PIK3C3: variants seen among roughly 807,000 people sequenced by gnomAD.
PIK3C3 encodes the protein PI3-kinase type 3.
In PIK3C3, 95 loss-of-function variants were observed where a neutral mutation model predicts 126.1. The observed-to-expected ratio is 0.75, with a 90% CI of 0.64 to 0.89. The LOEUF (loss-of-function observed/expected upper bound fraction) is 0.89, where lower values mean the gene tolerates loss of function less well. PIK3C3 is among the 40% of genes least tolerant of loss of function. The pLI is 0.00. For missense variants in PIK3C3, 829 were observed against 1,063.2 expected, an observed-to-expected ratio of 0.78 and a Z score of 3.06; for synonymous variants, 374 against 360.0, an observed-to-expected ratio of 1.04 and a Z score of -0.44.
In PIK3C3 at chr18:41,965,455, G is replaced by GT. The variant is rs531982975; in HGVS notation, c.401+2830dup. Among the ~76,000 whole-genome samples the GT allele has an allele frequency of 7.2e-4, 110 of 152,164 alleles. 1 individual carries two copies. In the South Asian group the frequency reaches 0.022, roughly 30 times the overall value. On this transcript the variant is annotated intron_variant, in intron 3 of 24. Transcript: ENST00000262039. ...TACTGTTTAGTTTGGCTTCTGGCAC[G>GT]TTTTTTTAAAAAGTACTACATCAAA...
rs746111447 is a variant in PIK3C3 at position 41,995,999 on chromosome 18, G to C, written c.891+5G>C. On this transcript the variant is annotated splice_donor_5th_base_variant and intron_variant, in intron 8 of 24. Coordinates refer to ENST00000262039, the MANE Select transcript of PIK3C3 (RefSeq NM_002647.4). ...GCCACGAGAGATCAGTTAAATGTAA[G>C]AGAATTATGAAATATTAATTTAAAA... is the stretch of plus-strand genomic sequence containing the variant. 3 of 1,566,672 alleles carry C rather than the reference G, an allele frequency of 1.9e-6. No individual in the cohort carries two copies. The highest frequency in any genetic ancestry group is 2.6e-6 in the Non-Finnish European group (3 of 1,137,840).
chr18:42,038,355 T>C (rs566218358), intron 17 of PIK3C3, among the ~76,000 whole-genome samples: 6 of 152,228 alleles, frequency 3.9e-5, no homozygotes, highest in African/African-American at 1.4e-4. Context: ...AACTATTTTT[T>C]TTTTTGAGAT....
intron 20 of PIK3C3, among the ~76,000 whole-genome samples, chr18:42,046,842 C>T (rs1299671384): frequency 6.6e-6 from 1 of 152,054 alleles, no homozygotes; most frequent in Non-Finnish European, 1.5e-5. Flanking sequence ...TTCATCTTTA[C>T]TATTAAATAT....
rs369269044 is a variant in PIK3C3 at position 41,972,659 on chromosome 18, C to A, written c.531+2203C>A. Among the ~76,000 whole-genome samples, 45 of 152,112 alleles carry A rather than the reference C, an allele frequency of 3.0e-4. No individual in the cohort carries two copies. The East Asian group carries it at 6.6e-3, about 22-fold the overall frequency. ...GCTTGCATTAGTATTAACTTATGTT[C>A]CCCAAAGACTAAACAGAAACCATCA... On this transcript the variant is annotated intron_variant, in intron 4 of 24. Transcript: ENST00000262039.
rs911313353 is a variant in PIK3C3, at chr18:42,086,553, C to G, written c.*5416C>G. The G allele has an allele frequency of 1.3e-5, 2 of 152,188 alleles. No individual in the cohort carries two copies. The highest frequency in any genetic ancestry group is 2.9e-5 in the Non-Finnish European group (2 of 68,058). The allele number at this position is 152,188 out of a possible 1,614,324, so 9.4% of individuals were successfully genotyped here. Reference sequence around the variant, plus strand: ...AAACAGTCTGTGGTAAAGAAGCCAGCCAAAACCCACCAAAACCAAGACGGG... The same window carrying G: ...AAACAGTCTGTGGTAAAGAAGCCAGGCAAAACCCACCAAAACCAAGACGGG... On this transcript the variant is annotated 3_prime_UTR_variant, in exon 25 of 25. Transcript: ENST00000262039.
At position 41,977,682 on chromosome 18, in the gene PIK3C3, A is replaced by G. The variant is rs201797420; in HGVS notation, c.531+7226A>G. ...TTTGTAATTGTAGAGACAGGGTTTC[A>G]CCATGTTGGCCAGGCAGGTCTCGAA... On this transcript the variant is annotated intron_variant, in intron 4 of 24. Transcript: ENST00000262039. 6.6e-4 allele frequency among the ~76,000 whole-genome samples: 100 copies of G among 152,132 alleles called. 5 individuals are homozygous for G. In the East Asian group the frequency reaches 0.017, roughly 25 times the overall value.
chr18:42,067,106 C>A (rs939862415), intron 23 of PIK3C3, among the ~76,000 whole-genome samples: 1 of 152,054 alleles, frequency 6.6e-6, no homozygotes, highest in African/African-American at 2.4e-5. Flanking sequence ...AGCAGTTTTT[C>A]TGTTTTTGAG....
chr18:42,008,870 G>A (rs1482761274), intron 10 of PIK3C3, among the ~76,000 whole-genome samples: 2 of 152,134 alleles, frequency 1.3e-5, no homozygotes, highest in Non-Finnish European at 2.9e-5. Context: ...CAAGAAATCA[G>A]ATGATGATAA....
rs772358819 is a variant in PIK3C3, at chr18:41,955,256, G to A, written c.-36G>A. On this transcript the variant is annotated 5_prime_UTR_variant, in exon 1 of 25. Coordinates refer to ENST00000262039, the MANE Select transcript of PIK3C3 (RefSeq NM_002647.4). ...TTTATGTTGTTTTTCCTGTACCTAA[G>A]TTCCCGCTGTAGGTGGTACCTTTGC... 6 of 1,582,490 alleles carry A rather than the reference G, an allele frequency of 3.8e-6. No individual in the cohort carries two copies. The highest frequency in any genetic ancestry group is 5.2e-6 in the Non-Finnish European group (6 of 1,154,262).
At position 41,960,737 on chromosome 18, in the gene PIK3C3, T is replaced by C. The variant is rs144304989; in HGVS notation, c.258-1752T>C. Reference sequence around the variant, plus strand: ...TTCAAACTTTTTGACTGAAGGATCATTTTTTCTTTTTTCTTTTTTTTTTTG... The same window carrying C: ...TTCAAACTTTTTGACTGAAGGATCACTTTTTCTTTTTTCTTTTTTTTTTTG... On this transcript the variant is annotated intron_variant, in intron 2 of 24. Transcript: ENST00000262039. Among the ~76,000 whole-genome samples the C allele has an allele frequency of 2.1e-4, 31 of 151,150 alleles. No homozygotes were observed. The East Asian group carries it at 5.8e-3, about 28-fold the overall frequency.
chr18:42,004,131 G>A (rs559624069), intron 9 of PIK3C3, among the ~76,000 whole-genome samples: 5 of 152,238 alleles, frequency 3.3e-5, no homozygotes, highest in South Asian at 2.1e-4. Flanking sequence ...CATAGTGCTC[G>A]CAAATGATTT....
rs777513295 is a variant in PIK3C3 at position 41,990,484 on chromosome 18, T to C, written c.644T>C (p.Met215Thr). Reference sequence around the variant, plus strand: ...AGTGAAAAACGAAGTTCTAATTTCATGTACCTGATGGTTGAATTTCGATGT... The same window carrying C: ...AGTGAAAAACGAAGTTCTAATTTCACGTACCTGATGGTTGAATTTCGATGT... ...NESEKRSSNF[M>T]YLMVEFRCVK... Residue 215 changes from methionine (M) to threonine (T), a missense_variant, in exon 6 of 25, where the codon ATG becomes ACG. Physicochemically the swap from Met to Thr is moderately conservative, Grantham distance 81. Coordinates refer to ENST00000262039, the MANE Select transcript of PIK3C3 (RefSeq NM_002647.4). 6.3e-7 allele frequency: 1 copy of C among 1,597,386 alleles called. No homozygotes were observed. Among genetic ancestry groups the C allele is most frequent in the South Asian group, 1.1e-5 (1 of 90,634 alleles).
At chr18:42,077,977 C>A (rs1382278192) in intron 24 of PIK3C3, among the ~76,000 whole-genome samples, 2 of 152,150 alleles carry the variant, frequency 1.3e-5, no homozygotes, top group Non-Finnish European at 2.9e-5. Context: ...CAACATTAAT[C>A]TTTTGGTATA....
chr18:42,081,230 G>T lies in PIK3C3; in HGVS notation c.*93G>T. On this transcript the variant is annotated 3_prime_UTR_variant, in exon 25 of 25. Transcript: ENST00000262039. ...TTGGAGACTTCAGAGTAACCAGCAA[G>T]GAAGAGAAATCTTAATCTTCAAGTT... is the stretch of plus-strand genomic sequence containing the variant. The T allele has an allele frequency of 1.3e-6, 1 of 751,944 alleles. No homozygotes were observed. Among genetic ancestry groups the T allele is most frequent in the South Asian group, 2.0e-5 (1 of 49,878 alleles). 46.6% of individuals were successfully genotyped at this position (751,944 alleles called of 1,614,324 possible).
chr18:41,993,297 A>T lies in PIK3C3; in HGVS notation c.742A>T (p.Thr248Ser). The T allele has an allele frequency of 6.2e-7, 1 of 1,610,228 alleles. No homozygotes were observed. The highest frequency in any genetic ancestry group is 8.5e-7 in the Non-Finnish European group (1 of 1,177,354). Residue 248 changes from threonine to serine, a missense_variant, in exon 7 of 25, where the codon ACA becomes TCA. Physicochemically the swap from Thr to Ser is moderately conservative, Grantham distance 58. Coordinates refer to ENST00000262039, the MANE Select transcript of PIK3C3 (RefSeq NM_002647.4). The part of the protein sequence containing the change: ...KDGDESSPIL[T>S]SFELVKVPDP... ...CGGTGATGAATCATCTCCAATTTTA[A>T]CAAGTTTTGAATTAGTGAAAGTTCC...
At chr18:42,067,610 T>C in intron 24 of PIK3C3, 97 bp downstream of exon 24, 2 of 1,328,380 alleles carry the variant, frequency 1.5e-6, no homozygotes, top group South Asian at 1.4e-5. Flanking sequence ...GTTGACATCT[T>C]TTCTGTTTTT....
At chr18:41,979,874 C>CATTATTATTATT (rs60161824) in intron 4 of PIK3C3, among the ~76,000 whole-genome samples, 7,082 of 132,712 alleles carry the variant, frequency 0.053, 200 homozygotes, top group Middle Eastern at 0.084. Flanking sequence ...GGAATCATGC[C>CATTATTATTATT]ATTATTATTA....
intron 3 of PIK3C3, among the ~76,000 whole-genome samples, chr18:41,965,627 A>G (rs1486146994): frequency 6.6e-6 from 1 of 152,150 alleles, no homozygotes; most frequent in African/African-American, 2.4e-5. Flanking sequence ...TGTGAAAGGG[A>G]GCCTATGAAC....
At chr18:41,964,485 T>C (rs1980255713) in intron 3 of PIK3C3, among the ~76,000 whole-genome samples, 1 of 152,120 alleles carries the variant, frequency 6.6e-6, no homozygotes, top group Non-Finnish European at 1.5e-5. Flanking sequence ...GATTGTTACA[T>C]TACTAAATAC....
Sources: allele counts gnomAD v4.1 joint callset (sites outside exome capture counted in the v4.1 genomes callset), GRCh38; gene constraint gnomAD v4.1.1; transcripts MANE v1.5; gene names NCBI Gene and HGNC (gene_info 2026-07-23, HGNC 2026-07-21).